PARD3B: variants seen among roughly 807,000 people sequenced by gnomAD.
The protein encoded by PARD3B is par-3 family cell polarity regulator beta.
PARD3B carries 103 observed loss-of-function variants against 130.2 expected under a neutral mutation model. That is an observed-to-expected ratio of 0.79 (90% confidence interval 0.67 to 0.93). The LOEUF (loss-of-function observed/expected upper bound fraction) is 0.93, where lower values mean the gene tolerates loss of function less well. PARD3B is among the 40% of genes least tolerant of loss of function. The pLI is 0.00. For synonymous variants in PARD3B, 583 were observed against 553.2 expected (o/e 1.05, Z -0.76); for missense variants, 1,609 against 1,499.2 (o/e 1.07, Z -1.21).
intron 1 of PARD3B, among the ~76,000 whole-genome samples, chr2:204,636,052 CTTTGGCTTAAATATTTG>C (rs1219983345): frequency 6.6e-6 from 1 of 151,960 alleles, no homozygotes; most frequent in African/African-American, 2.4e-5. Flanking sequence ...GGTGAATACT[CTTTGGCTTAAATATTTG>C]TTTGGCTTAA....
chr2:204,806,947 G>A (rs1470946093), intron 2 of PARD3B, among the ~76,000 whole-genome samples: 1 of 152,068 alleles, frequency 6.6e-6, no homozygotes, highest in Non-Finnish European at 1.5e-5. Flanking sequence ...ACCCAAGACT[G>A]GGTAATTTAT....
At chr2:205,482,922 T>C (rs557886182) in intron 20 of PARD3B, among the ~76,000 whole-genome samples, 9 of 152,212 alleles carry the variant, frequency 5.9e-5, no homozygotes, top group South Asian at 4.1e-4. Context: ...CCTCCACCCC[T>C]TTCTTCAGAC....
intron 16 of PARD3B, among the ~76,000 whole-genome samples, chr2:205,266,517 G>C (rs1299648408): frequency 6.6e-6 from 1 of 152,084 alleles, no homozygotes; most frequent in Non-Finnish European, 1.5e-5. Context: ...CAGATATATA[G>C]TTTTGAGAGA....
chr2:205,210,338 C>T (rs2037562561), intron 15 of PARD3B, among the ~76,000 whole-genome samples: 2 of 151,902 alleles, frequency 1.3e-5, no homozygotes, highest in African/African-American at 4.8e-5. Context: ...GTGATTGTAC[C>T]AAACATATTT....
intron 22 of PARD3B, among the ~76,000 whole-genome samples, chr2:205,571,177 A>C (rs2053548534): frequency 6.6e-6 from 1 of 152,228 alleles, no homozygotes; most frequent in Non-Finnish European, 1.5e-5. Flanking sequence ...ATGGCTAAAA[A>C]TTTAAAGGCC....
intron 2 of PARD3B, among the ~76,000 whole-genome samples, chr2:204,939,754 G>C (rs1188063239): frequency 6.6e-6 from 1 of 152,148 alleles, no homozygotes; most frequent in Admixed American, 6.5e-5. Flanking sequence ...ACAGGGCCTT[G>C]TAGCTTTTTG....
rs1186332306 is a variant in PARD3B at position 204,890,593 on chromosome 2, G to C, written c.223-74559G>C. Among the ~76,000 whole-genome samples the C allele has an allele frequency of 6.6e-6, 1 of 152,030 alleles. No homozygotes were observed. Among genetic ancestry groups the C allele is most frequent in the East Asian group, 1.9e-4 (1 of 5,174 alleles). On this transcript the variant is annotated intron_variant, in intron 2 of 22. Coordinates refer to ENST00000406610, the MANE Select transcript of PARD3B (RefSeq NM_001302769.2). The surrounding 1 kb of genome is among the most constrained non-coding windows in gnomAD (Gnocchi z 4.9). Reference sequence around the variant, plus strand: ...CCTCCCCCCACCACATCCCCTTATAGTCTTTGTCTGAGGATTTCACTATAA... The same window carrying C: ...CCTCCCCCCACCACATCCCCTTATACTCTTTGTCTGAGGATTTCACTATAA...
intron 2 of PARD3B, among the ~76,000 whole-genome samples, chr2:204,862,808 A>G (rs1280425683): frequency 1.3e-5 from 2 of 152,178 alleles, no homozygotes; most frequent in African/African-American, 2.4e-5. Flanking sequence ...CTTGAGACAC[A>G]TAGAGGGGTG....
intron 2 of PARD3B, among the ~76,000 whole-genome samples, chr2:204,772,016 A>G (rs141242677): frequency 2.6e-4 from 39 of 152,194 alleles, no homozygotes; most frequent in Admixed American, 3.3e-4. Flanking sequence ...TTAACAATAT[A>G]TGCTTATTTT....
At chr2:205,396,803 A>G (rs1185040576) in intron 18 of PARD3B, among the ~76,000 whole-genome samples, 9 of 152,222 alleles carry the variant, frequency 5.9e-5, no homozygotes, top group Admixed American at 4.6e-4. Context: ...AATGCAGTGC[A>G]TATTTGAAAC....
chr2:205,217,894 A>ATATT (rs1559553191), intron 15 of PARD3B, among the ~76,000 whole-genome samples: 14 of 31,072 alleles, frequency 4.5e-4, no homozygotes, highest in Non-Finnish European at 5.2e-4. Flanking sequence ...ATATATATAT[A>ATATT]TTTTTTTTTT....
intron 2 of PARD3B, among the ~76,000 whole-genome samples, chr2:204,801,261 G>A (rs764515743): frequency 1.1e-4 from 17 of 152,122 alleles, no homozygotes; most frequent in Non-Finnish European, 1.6e-4. Context: ...AAAGTCAGTC[G>A]TAGCTTGATG....
Position 205,153,543 on chromosome 2 carries a change from T to C in PARD3B, c.1435-5179T>C, listed in dbSNP as rs201902345. Among the ~76,000 whole-genome samples the C allele has an allele frequency of 8.5e-5, 13 of 152,242 alleles. No individual in the cohort carries two copies. The East Asian group carries it at 2.5e-3, about 29-fold the overall frequency. On this transcript the variant is annotated intron_variant, in intron 10 of 22. Transcript: ENST00000406610. ...CTTTCTTCACAGAATTGGAAAAAAC[T>C]ACTTTAAAGTTCATATGGAACCAAA...
intron 2 of PARD3B, among the ~76,000 whole-genome samples, chr2:204,758,899 A>C (rs996237291): frequency 6.6e-6 from 1 of 152,166 alleles, no homozygotes; most frequent in South Asian, 2.1e-4. Flanking sequence ...TGGCCTTACA[A>C]TATTTCTTAT....
In PARD3B at chr2:205,288,057, A is replaced by T. The variant is rs1421817379; in HGVS notation, c.2186-12473A>T. Among the ~76,000 whole-genome samples the T allele has an allele frequency of 6.6e-6, 1 of 152,102 alleles. No individual in the cohort carries two copies. The highest frequency in any genetic ancestry group is 1.5e-5 in the Non-Finnish European group (1 of 68,024). On this transcript the variant is annotated intron_variant, in intron 16 of 22. Coordinates refer to ENST00000406610, the MANE Select transcript of PARD3B (RefSeq NM_001302769.2). The surrounding 1 kb of genome is among the most constrained non-coding windows in gnomAD (Gnocchi z 4.0). ...TTATTTTGTGTGTCCCCATGTTATT[A>T]GTTTTACTGCCCATTAATCATTATA... is the stretch of plus-strand genomic sequence containing the variant.
chr2:205,495,043 A>T (rs2049874542), intron 20 of PARD3B, among the ~76,000 whole-genome samples: 1 of 152,164 alleles, frequency 6.6e-6, no homozygotes, highest in African/African-American at 2.4e-5. Flanking sequence ...CACTCATTTT[A>T]AAAAGTACTA....
In PARD3B at chr2:205,300,395, T is replaced by G; in HGVS notation, c.2186-135T>G. 1 of 750,694 alleles carries G rather than the reference T, an allele frequency of 1.3e-6. No homozygotes were observed. The highest frequency in any genetic ancestry group is 4.0e-4 in the Middle Eastern group (1 of 2,514). The allele number at this position is 750,694 out of a possible 1,614,324, so 46.5% of individuals were successfully genotyped here. A position where few individuals can be genotyped will look rare whatever the true frequency, so the allele number is the denominator to read the frequency against. ...TCAAGGTTACAAAAGGTGGCAAAGC[T>G]GGAGTATAACCCCAACTCCCACCCA... is the stretch of plus-strand genomic sequence containing the variant. On this transcript the variant is annotated intron_variant, in intron 16 of 22. Coordinates refer to ENST00000406610, the MANE Select transcript of PARD3B (RefSeq NM_001302769.2). This position sits in a 1 kb window ranked among gnomAD's most constrained non-coding sequence, Gnocchi z 4.1.
Position 205,525,872 on chromosome 2 carries a change from C to T in PARD3B, c.3180+25841C>T, listed in dbSNP as rs139322295. ...TGGGTCCACGTTGTGTACCCAGTCC[C>T]GGGAAGGTGCAAGAAAATCTGATCC... On this transcript the variant is annotated intron_variant, in intron 21 of 22. Transcript: ENST00000406610. The surrounding 1 kb of genome is among the most constrained non-coding windows in gnomAD (Gnocchi z 4.2). 5.2e-3 allele frequency among the ~76,000 whole-genome samples: 787 copies of T among 152,270 alleles called. 2 individuals are homozygous for T. Among genetic ancestry groups the T allele is most frequent in the Middle Eastern group, 0.014 (4 of 294 alleles).
chr2:205,252,853 CAAA>C (rs770957813), intron 16 of PARD3B, among the ~76,000 whole-genome samples: 4 of 80,416 alleles, frequency 5.0e-5, no homozygotes, highest in Non-Finnish European at 2.4e-5. Flanking sequence ...CCCCCCCCAC[CAAA>C]AAAAAAAAAA....
Sources: allele counts gnomAD v4.1 joint callset (sites outside exome capture counted in the v4.1 genomes callset), GRCh38; gene constraint gnomAD v4.1.1; non-coding constraint Gnocchi (gnomAD v3.1); transcripts MANE v1.5; gene names NCBI Gene and HGNC (gene_info 2026-07-23, HGNC 2026-07-21).